Variants in MCTP1 observed in about 807,000 individuals in gnomAD.
MCTP1 encodes multiple C2 and transmembrane domain-containing protein 1.
Under a neutral mutation model 120.6 loss-of-function variants are expected in MCTP1, and 69 were observed. That is an observed-to-expected ratio of 0.57 (90% CI 0.47 to 0.70). The LOEUF is 0.70. Ranked by LOEUF, MCTP1 falls within the 30% of genes least tolerant of loss-of-function variation. MCTP1 has a pLI of 0.00. For synonymous variants in MCTP1, 529 were observed against 493.1 expected (o/e 1.07, Z -0.96); for missense variants, 1,203 against 1,248.8 (o/e 0.96, Z 0.55).
chr5:94,797,490 T>A (rs913400400), intron 18 of MCTP1, among the ~76,000 whole-genome samples: 2 of 152,152 alleles, frequency 1.3e-5, no homozygotes, highest in Admixed American at 1.3e-4. Flanking sequence ...CTGAATTAAT[T>A]GATGAAAGTA....
At chr5:94,871,979 G>A (rs1381331514) in intron 13 of MCTP1, among the ~76,000 whole-genome samples, 1 of 151,936 alleles carries the variant, frequency 6.6e-6, no homozygotes, top group Non-Finnish European at 1.5e-5. Flanking sequence ...GTAACATATA[G>A]TTATTGTACC....
chr5:94,992,918 G>C (rs72777365), intron 2 of MCTP1, among the ~76,000 whole-genome samples: 6,719 of 152,224 alleles, frequency 0.044, 276 homozygotes, highest in East Asian at 0.087. Context: ...TTCTATGACA[G>C]ACTGCTAATA....
intron 19 of MCTP1, among the ~76,000 whole-genome samples, chr5:94,743,752 C>T (rs1025144860): frequency 3.3e-5 from 5 of 151,672 alleles, no homozygotes; most frequent in African/African-American, 1.2e-4. Context: ...ATTCTCCTGC[C>T]TCAGCCTCCC....
intron 1 of MCTP1, among the ~76,000 whole-genome samples, chr5:95,029,734 A>G (rs1839948152): frequency 6.6e-6 from 1 of 152,136 alleles, no homozygotes. Flanking sequence ...TGATTTGGGA[A>G]CTTCCTGGAG....
At chr5:94,763,891 G>T (rs1771929376) in intron 19 of MCTP1, among the ~76,000 whole-genome samples, 1 of 152,104 alleles carries the variant, frequency 6.6e-6, no homozygotes, top group Non-Finnish European at 1.5e-5. Context: ...ATACTATTAA[G>T]ACATTCATTT....
Position 94,892,582 on chromosome 5 carries a change from G to A in MCTP1, c.1839+2067C>T, listed in dbSNP as rs976552991. Reference sequence around the variant, plus strand: ...GTGATCAAAAAATGGCTCACAGAGCGATGTTTGTTTAATTTGTGGGGCTTC... The same window carrying A: ...GTGATCAAAAAATGGCTCACAGAGCAATGTTTGTTTAATTTGTGGGGCTTC... On this transcript the variant is annotated intron_variant, in intron 11 of 22. Coordinates refer to ENST00000515393, the MANE Select transcript of MCTP1 (RefSeq NM_024717.7). Among the ~76,000 whole-genome samples the A allele has an allele frequency of 2.6e-5, 4 of 152,102 alleles. No homozygotes were observed. The East Asian group carries it at 7.7e-4, about 29-fold the overall frequency.
intron 2 of MCTP1, among the ~76,000 whole-genome samples, chr5:94,983,296 G>T (rs1270138919): frequency 6.6e-6 from 1 of 152,124 alleles, no homozygotes; most frequent in African/African-American, 2.4e-5. Context: ...CCTAAACTGT[G>T]AGCTATTAAA....
intron 2 of MCTP1, among the ~76,000 whole-genome samples, chr5:94,986,460 C>T (rs1019165277): frequency 1.3e-5 from 2 of 152,112 alleles, no homozygotes; most frequent in Non-Finnish European, 2.9e-5. Flanking sequence ...CCCAAACAAC[C>T]AGTAGTTCAA....
At chr5:95,083,530 A>G (rs540925038) in intron 1 of MCTP1, among the ~76,000 whole-genome samples, 29 of 152,298 alleles carry the variant, frequency 1.9e-4, no homozygotes, top group Admixed American at 5.2e-4. Flanking sequence ...TAAGCATGCC[A>G]ACCTCTCCAC....
At chr5:94,777,069 CT>C (rs1775521702) in intron 19 of MCTP1, among the ~76,000 whole-genome samples, 3 of 152,068 alleles carry the variant, frequency 2.0e-5, no homozygotes, top group Admixed American at 2.0e-4. Context: ...GAAAAACCTC[CT>C]TTTTTATCGC....
At chr5:95,147,279 G>C (rs979774530) in intron 1 of MCTP1, among the ~76,000 whole-genome samples, 2 of 151,964 alleles carry the variant, frequency 1.3e-5, no homozygotes, top group Non-Finnish European at 2.9e-5. Context: ...GTAGAGACAG[G>C]GTTTCACTGT....
intron 19 of MCTP1, among the ~76,000 whole-genome samples, chr5:94,740,037 AT>A (rs201276653): frequency 0.012 from 1,788 of 152,340 alleles, 14 homozygotes; most frequent in Non-Finnish European, 0.018. Context: ...TGCTACAGTA[AT>A]TACTTGCCAG....
intron 17 of MCTP1, among the ~76,000 whole-genome samples, chr5:94,850,677 T>G (rs921600813): frequency 6.6e-6 from 1 of 152,146 alleles, no homozygotes; most frequent in African/African-American, 2.4e-5. Flanking sequence ...CTTTATCTTT[T>G]GAAGGTTTCT....
chr5:95,063,604 A>G (rs536662865), intron 1 of MCTP1, among the ~76,000 whole-genome samples: 1 of 152,064 alleles, frequency 6.6e-6, no homozygotes, highest in Non-Finnish European at 1.5e-5. Context: ...ACTACAGCAC[A>G]CTCTTTATTC....
chr5:94,826,816 T>C, intron 17 of MCTP1: 1 of 290,584 alleles, frequency 3.4e-6, no homozygotes, highest in Non-Finnish European at 6.0e-6. Context: ...TGCTTTTCAT[T>C]TGCTTGGTAA....
At chr5:94,885,590 GCCACCCA>G (rs1034202587) in intron 12 of MCTP1, among the ~76,000 whole-genome samples, 8 of 98,628 alleles carry the variant, frequency 8.1e-5, no homozygotes, top group Middle Eastern at 4.2e-3. Flanking sequence ...ATATTTTCCC[GCCACCCA>G]CCCCACCCCA....
chr5:94,762,948 G>C (rs1771677855), intron 19 of MCTP1, among the ~76,000 whole-genome samples: 1 of 152,158 alleles, frequency 6.6e-6, no homozygotes, highest in Non-Finnish European at 1.5e-5. Flanking sequence ...AAAGTACTTT[G>C]AAATATGTAA....
intron 18 of MCTP1, among the ~76,000 whole-genome samples, chr5:94,781,045 A>G (rs1007148151): frequency 1.3e-5 from 2 of 152,146 alleles, no homozygotes; most frequent in African/African-American, 4.8e-5. Flanking sequence ...GTTGCATCAG[A>G]AGAATTCACC....
intron 2 of MCTP1, among the ~76,000 whole-genome samples, chr5:94,977,013 C>T (rs1195018866): frequency 1.3e-5 from 2 of 152,072 alleles, no homozygotes; most frequent in Non-Finnish European, 2.9e-5. Context: ...CTATCCAAAT[C>T]TGAAAAGGAG....
Sources: gnomAD v4.1 joint callset for allele counts (sites outside exome capture counted in the v4.1 genomes callset) on GRCh38, gnomAD v4.1.1 for gene constraint, MANE v1.5 for transcripts, NCBI Gene and HGNC (gene_info 2026-07-23, HGNC 2026-07-21) for gene names.